The following ASIC2 variants were observed in gnomAD, a reference collection of about 807,000 sequenced individuals.
ASIC2 encodes the protein acid-sensing ion channel 2.
ASIC2 carries 25 observed loss-of-function variants against 57.3 expected under a neutral mutation model. The observed-to-expected ratio is 0.44, with a 90% CI of 0.32 to 0.61. ASIC2 has a LOEUF of 0.61. ASIC2 is among the 20% of genes least tolerant of loss of function. The pLI is 0.06. For missense variants in ASIC2, 641 were observed against 738.1 expected, an observed-to-expected ratio of 0.87 and a Z score of 1.52; for synonymous variants, 319 against 307.5, an observed-to-expected ratio of 1.04 and a Z score of -0.39.
At chr17:33,517,420 G>C (rs1914605926) in intron 1 of ASIC2, among the ~76,000 whole-genome samples, 1 of 152,166 alleles carries the variant, frequency 6.6e-6, no homozygotes, top group African/African-American at 2.4e-5. Context: ...CTGGCCTTTT[G>C]CTGCGTATTA....
At chr17:33,659,961 A>G (rs1050975721) in intron 1 of ASIC2, among the ~76,000 whole-genome samples, 3 of 151,246 alleles carry the variant, frequency 2.0e-5, no homozygotes, top group African/African-American at 4.9e-5. Flanking sequence ...GCGCACGCCT[A>G]TAGTCCCAGC....
intron 1 of ASIC2, among the ~76,000 whole-genome samples, chr17:33,437,948 A>G (rs1408365224): frequency 6.6e-6 from 1 of 152,198 alleles, no homozygotes; most frequent in African/African-American, 2.4e-5. Context: ...AGTAAACTAC[A>G]GGCTTTTATT....
At chr17:33,887,982 T>G (rs1185417401) in intron 1 of ASIC2, among the ~76,000 whole-genome samples, 1 of 152,218 alleles carries the variant, frequency 6.6e-6, no homozygotes, top group Non-Finnish European at 1.5e-5. Flanking sequence ...CTGCCGATTT[T>G]GCATGTTGCT....
intron 3 of ASIC2, among the ~76,000 whole-genome samples, chr17:33,050,208 A>T (rs1385850688): frequency 6.6e-6 from 1 of 152,138 alleles, no homozygotes; most frequent in East Asian, 1.9e-4. Flanking sequence ...TTCAGATCTC[A>T]GATCTAAACT....
chr17:33,442,118 G>C (rs1328379769), intron 1 of ASIC2, among the ~76,000 whole-genome samples: 1 of 152,096 alleles, frequency 6.6e-6, no homozygotes, highest in African/African-American at 2.4e-5. Context: ...GGGGCTCCTG[G>C]TTCTGTTCCA....
At chr17:33,062,555 A>T (rs973366783) in intron 3 of ASIC2, among the ~76,000 whole-genome samples, 1 of 152,164 alleles carries the variant, frequency 6.6e-6, no homozygotes, top group African/African-American at 2.4e-5. Flanking sequence ...GTTCTTTTAC[A>T]CTTGCTGAGG....
chr17:33,829,986 T>A (rs937005645), intron 1 of ASIC2, among the ~76,000 whole-genome samples: 5 of 152,194 alleles, frequency 3.3e-5, no homozygotes, highest in African/African-American at 1.2e-4. Context: ...AGAAATATTT[T>A]CTCCAGAATC....
chr17:33,989,404 C>T (rs1033845854), intron 1 of ASIC2, among the ~76,000 whole-genome samples: 1 of 151,920 alleles, frequency 6.6e-6, no homozygotes, highest in African/African-American at 2.4e-5. Context: ...GGACTTGGCC[C>T]ATCTGGAAAT....
chr17:33,978,407 C>G (rs1400984192), intron 1 of ASIC2, among the ~76,000 whole-genome samples: 2 of 152,180 alleles, frequency 1.3e-5, no homozygotes, highest in African/African-American at 2.4e-5. Flanking sequence ...ATCCAGCCTG[C>G]CTTTCACTGA....
intron 2 of ASIC2, among the ~76,000 whole-genome samples, chr17:33,097,324 G>A (rs1462398085): frequency 6.6e-6 from 1 of 152,220 alleles, no homozygotes; most frequent in Non-Finnish European, 1.5e-5. Context: ...CAGCTGTCCT[G>A]AGGCAGGTGT....
intron 1 of ASIC2, among the ~76,000 whole-genome samples, chr17:33,637,720 T>C (rs972758945): frequency 6.6e-6 from 1 of 152,216 alleles, no homozygotes; most frequent in African/African-American, 2.4e-5. Context: ...AACATTGTAA[T>C]TACCTGACTA....
chr17:33,622,872 C>G (rs1474145313), intron 1 of ASIC2, among the ~76,000 whole-genome samples: 5 of 152,204 alleles, frequency 3.3e-5, no homozygotes, highest in Admixed American at 1.3e-4. Context: ...TAAGAGAACA[C>G]AACCACTTAA....
At position 34,022,641 on chromosome 17, in the gene ASIC2, C is replaced by CAA. The variant is rs755726883; in HGVS notation, c.555+133335_555+133336dup. On this transcript the variant is annotated intron_variant, in intron 1 of 9. Transcript: ENST00000359872. Reference sequence around the variant, plus strand: ...TGCAATTTCCCATGAAAAAAAAAAACAAAAAAAAAAACAAAAAAACAGCCC... The same window carrying CAA: ...TGCAATTTCCCATGAAAAAAAAAAACAAAAAAAAAAAAACAAAAAAACAGCCC... Among the ~76,000 whole-genome samples the CAA allele has an allele frequency of 6.9e-3, 861 of 124,782 alleles. 9 individuals are homozygous for CAA. The highest frequency in any genetic ancestry group is 0.023 in the African/African-American group (804 of 34,360). 81.9% of individuals were successfully genotyped at this position (124,782 alleles called of 152,430 possible). A position where few individuals can be genotyped will look rare whatever the true frequency, so the allele number is the denominator to read the frequency against.
At chr17:33,918,844 G>T (rs988547310) in intron 1 of ASIC2, among the ~76,000 whole-genome samples, 1 of 152,220 alleles carries the variant, frequency 6.6e-6, no homozygotes. Flanking sequence ...CAATGCTACT[G>T]TACATGAGTC....
chr17:33,885,353 T>A (rs1485459743), intron 1 of ASIC2, among the ~76,000 whole-genome samples: 1 of 152,190 alleles, frequency 6.6e-6, no homozygotes, highest in African/African-American at 2.4e-5. Context: ...ACTAATAGAT[T>A]ACTAAGCACA....
At chr17:33,806,872 C>T (rs1912281771) in intron 1 of ASIC2, among the ~76,000 whole-genome samples, 1 of 152,208 alleles carries the variant, frequency 6.6e-6, no homozygotes. Flanking sequence ...ACAGTGATAG[C>T]ATCTGCAGAA....
At chr17:33,205,549 C>T (rs1163924663) in intron 1 of ASIC2, among the ~76,000 whole-genome samples, 1 of 152,206 alleles carries the variant, frequency 6.6e-6, no homozygotes, top group African/African-American at 2.4e-5. Context: ...AAACAGATTT[C>T]ACTATGGAAC....
chr17:33,222,391 A>T (rs1405253078), intron 1 of ASIC2, among the ~76,000 whole-genome samples: 1 of 152,236 alleles, frequency 6.6e-6, no homozygotes, highest in East Asian at 1.9e-4. Context: ...AGAGATAGAA[A>T]GTAGATTAAT....
intron 1 of ASIC2, among the ~76,000 whole-genome samples, chr17:34,088,527 C>T (rs1432362344): frequency 6.6e-6 from 1 of 152,234 alleles, no homozygotes; most frequent in African/African-American, 2.4e-5. Flanking sequence ...GTTCTCAGAT[C>T]TCCAGCTGTG....
Sources: gnomAD v4.1 joint callset for allele counts (sites outside exome capture counted in the v4.1 genomes callset) on GRCh38, gnomAD v4.1.1 for gene constraint, MANE v1.5 for transcripts, NCBI Gene and HGNC (gene_info 2026-07-23, HGNC 2026-07-21) for gene names.